The following CHD5 variants were observed in gnomAD, a reference collection of about 807,000 sequenced individuals.
The protein encoded by CHD5 is chromodomain helicase DNA binding protein 5, also known as ATP-dependent chromatin remodeler CHD5.
CHD5 carries 69 observed loss-of-function variants against 230.3 expected under a neutral mutation model. That is an observed-to-expected ratio of 0.30 (90% confidence interval 0.25 to 0.37). The LOEUF is 0.37. CHD5 is among the 10% of genes least tolerant of loss of function. The probability of loss-of-function intolerance (pLI) is 1.00; values close to 1 mark genes in which losing one functional copy is unlikely to be tolerated. For synonymous variants in CHD5, 1,064 were observed against 1,065.9 expected (o/e 1.00, Z 0.03); for missense variants, 1,827 against 2,622.8 (o/e 0.70, Z 6.63).
At chr1:6,122,417 T>C (rs1666486237) in intron 31 of CHD5, among the ~76,000 whole-genome samples, 1 of 152,054 alleles carries the variant, frequency 6.6e-6, no homozygotes, top group Non-Finnish European at 1.5e-5. Context: ...ATCAGGGAAA[T>C]GCCAATCAGA....
chr1:6,173,996 G>A (rs923721484), intron 1 of CHD5, among the ~76,000 whole-genome samples: 11 of 152,146 alleles, frequency 7.2e-5, no homozygotes, highest in Admixed American at 2.6e-4. Context: ...GGGAAGAGAC[G>A]GGGATAGATG....
intron 41 of CHD5, 115 bp downstream of exon 41, chr1:6,106,114 CAGTAA>C: frequency 2.2e-6 from 2 of 927,630 alleles, no homozygotes. Context: ...CCGCCGGAGG[CAGTAA>C]AAGCTCCAGG....
At position 6,146,828 on chromosome 1, in the gene CHD5, C is replaced by G. The variant is rs1272391617; in HGVS notation, c.1427G>C (p.Arg476Thr). Residue 476 changes from arginine to threonine, a missense_variant, in exon 10 of 42, where the codon AGG (arginine) becomes ACG (threonine). Transcript: ENST00000262450. This position sits in a 1 kb window ranked among gnomAD's most constrained non-coding sequence, Gnocchi z 5.1. ...KGKVQRILHW[R>T]WTEPPAPFMV... The stretch of plus-strand genomic sequence containing the variant: ...GAAGGGGGCAGGGGGCTCCGTCCAC[C>G]TCCAGTGTAGAATCCGCTGGACTTT... 1.9e-6 allele frequency: 3 copies of G among 1,563,762 alleles called. No homozygotes were observed. Among genetic ancestry groups the G allele is most frequent in the Non-Finnish European group, 2.6e-6 (3 of 1,154,028 alleles).
chr1:6,113,149 G>A (rs1666319982), intron 33 of CHD5, 151 bp from the exon 34 acceptor site: 8 of 650,848 alleles, frequency 1.2e-5, no homozygotes, highest in Admixed American at 8.1e-5. Flanking sequence ...CCTCGGCCAG[G>A]TGCAGTGGCC....
chr1:6,168,281 G>C lies in CHD5; in HGVS notation c.80-4C>G. 1.9e-6 allele frequency: 3 copies of C among 1,588,412 alleles called. No homozygotes were observed. The East Asian group carries it at 6.8e-5, about 36-fold the overall frequency. On this transcript the variant is annotated splice_region_variant and splice_polypyrimidine_tract_variant and intron_variant, in intron 1 of 41. Coordinates refer to ENST00000262450, the MANE Select transcript of CHD5 (RefSeq NM_015557.3). ...TCAAGACCACCATCTTCTTCTTCTG[G>C]AAAAATCAGAAGGTGGCAGCAGTTA...
Position 6,146,197 on chromosome 1 carries a change from C to A in CHD5, c.1802+15G>T. On this transcript the variant is annotated intron_variant, in intron 11 of 41. Coordinates refer to ENST00000262450, the MANE Select transcript of CHD5 (RefSeq NM_015557.3). This position sits in a 1 kb window ranked among gnomAD's most constrained non-coding sequence, Gnocchi z 5.1. ...GCCCCAGCGATGGGCAGGGTGGCCG[C>A]CTGCAGGCACACACCTATGGTTCAG... The A allele has an allele frequency of 6.2e-7, 1 of 1,612,962 alleles. No individual in the cohort carries two copies. Among genetic ancestry groups the A allele is most frequent in the African/African-American group, 1.3e-5 (1 of 75,020 alleles).
Position 6,143,934 on chromosome 1 carries a change from G to A in CHD5, c.1935-3C>T, listed in dbSNP as rs200575346. ...TGTCTTCTCCCAGCATCAGCTCCCT[G>A]GGAAACGGCATTGGAGGCAGGTGAG... is the stretch of plus-strand genomic sequence containing the variant. On this transcript the variant is annotated splice_region_variant and splice_polypyrimidine_tract_variant and intron_variant, in intron 12 of 41. Coordinates refer to ENST00000262450, the MANE Select transcript of CHD5 (RefSeq NM_015557.3). The A allele has an allele frequency of 1.5e-4, 235 of 1,614,084 alleles. 2 individuals carry two copies. The African/African-American group carries it at 2.7e-3, about 19-fold the overall frequency.
Position 6,144,080 on chromosome 1 carries a change from G to A in CHD5, c.1878C>T (p.Ile626=), listed in dbSNP as rs777063752. 11 of 1,614,082 alleles carry A rather than the reference G, an allele frequency of 6.8e-6. No individual in the cohort carries two copies. Among genetic ancestry groups the A allele is most frequent in the South Asian group, 5.5e-5 (5 of 91,088 alleles). Residue 626 remains isoleucine (I), a synonymous_variant, in exon 12 of 42, where the codon ATC becomes ATT. Coordinates refer to ENST00000262450, the MANE Select transcript of CHD5 (RefSeq NM_015557.3). ...DLPYDQCTWE[I]DDIDIPYYDN... ...CGTAGTAGGGGATGTCGATGTCATC[G>A]ATCTCCCAGGTGCACTGGTCGTAGG...
chr1:6,159,597 T>C, intron 2 of CHD5, 82 bp from the exon 3 acceptor site: 1 of 1,186,946 alleles, frequency 8.4e-7, no homozygotes, highest in Non-Finnish European at 1.2e-6. Flanking sequence ...CCCTGAGAGC[T>C]ACCTCCTGGC....
In CHD5 at chr1:6,134,071, G is replaced by T. The variant is rs1666699856; in HGVS notation, c.3144+57C>A. 6.4e-7 allele frequency: 1 copy of T among 1,564,796 alleles called. No homozygotes were observed. The highest frequency in any genetic ancestry group is 1.7e-5 in the Admixed American group (1 of 59,420). ...CAAGTTTGCGCCCCCAAGCATCAGG[G>T]CAGGATGCTCTCTGTGGGGTGTGGA... On this transcript the variant is annotated intron_variant, in intron 20 of 41. Coordinates refer to ENST00000262450, the MANE Select transcript of CHD5 (RefSeq NM_015557.3). The surrounding 1 kb of genome is among the most constrained non-coding windows in gnomAD (Gnocchi z 6.3).
chr1:6,105,360 G>A lies in CHD5; in HGVS notation c.*114C>T, dbSNP rs1009796088. ...GTTTCCCTTTTTGTCCCAAGGTGGC[G>A]CTGGCTCCTAAAAAGGTGGCAGCTT... On this transcript the variant is annotated 3_prime_UTR_variant, in exon 42 of 42. Coordinates refer to ENST00000262450, the MANE Select transcript of CHD5 (RefSeq NM_015557.3). The surrounding 1 kb of genome is among the most constrained non-coding windows in gnomAD (Gnocchi z 4.8). The A allele has an allele frequency of 1.3e-5, 6 of 470,070 alleles. No homozygotes were observed. The highest frequency in any genetic ancestry group is 4.0e-5 in the African/African-American group (2 of 50,026). 29.1% of individuals were successfully genotyped at this position (470,070 alleles called of 1,614,324 possible).
intron 1 of CHD5, 57 bp from the exon 2 acceptor site, chr1:6,168,334 G>A: frequency 1.3e-6 from 2 of 1,534,800 alleles, no homozygotes. Flanking sequence ...GGAGAGCCCT[G>A]GAGACACAGA....
Position 6,146,349 on chromosome 1 carries a change from G to A in CHD5, c.1665C>T (p.Asp555=). The change falls in exon 11 of 42, where the codon GAC becomes GAT. Residue 555 remains aspartate (D), a synonymous_variant. Transcript: ENST00000262450. The surrounding 1 kb of genome is among the most constrained non-coding windows in gnomAD (Gnocchi z 5.1). The part of the protein sequence containing the change: ...KNDMDEPPPF[D]YGSGDEDGKS... ...TGCCGTCTTCATCCCCAGAGCCGTA[G>A]TCAAAGGGGGGCGGCTCATCCATGT... 2 of 1,614,168 alleles carry A rather than the reference G, an allele frequency of 1.2e-6. No homozygotes were observed. The highest frequency in any genetic ancestry group is 1.7e-6 in the Non-Finnish European group (2 of 1,180,034).
chr1:6,159,119 C>T (rs1667127005), intron 3 of CHD5, among the ~76,000 whole-genome samples: 1 of 151,978 alleles, frequency 6.6e-6, no homozygotes, highest in Non-Finnish European at 1.5e-5. Context: ...CCTGTAGTCC[C>T]AGCTACTCGG....
intron 1 of CHD5, among the ~76,000 whole-genome samples, chr1:6,175,413 A>G (rs1418469084): frequency 7.4e-6 from 1 of 135,764 alleles, no homozygotes; most frequent in Non-Finnish European, 1.6e-5. Flanking sequence ...TGGATAGATG[A>G]ATGGATGGAT....
chr1:6,106,969 T>G (rs1212527538), intron 38 of CHD5, among the ~76,000 whole-genome samples, 190 bp from the exon 39 acceptor site: 89 of 12,578 alleles, frequency 7.1e-3, no homozygotes, highest in Non-Finnish European at 8.1e-3. Context: ...GGTGGAGGGG[T>G]GGAAGGATGG....
rs1667493576 is a variant in CHD5, at chr1:6,180,176, T to TC, written c.-154dup. ...GCCTGCCCCCCCACCCCCCCAAACCTCCACCCCCCCGTCTCGACCCCCCTT... is the reference window on the plus strand; with the variant it reads ...GCCTGCCCCCCCACCCCCCCAAACCTCCCACCCCCCCGTCTCGACCCCCCTT... On this transcript the variant is annotated 5_prime_UTR_variant, in exon 1 of 42. Transcript: ENST00000262450. The TC allele has an allele frequency of 3.0e-5, 1 of 33,514 alleles. No individual in the cohort carries two copies. Among genetic ancestry groups the TC allele is most frequent in the African/African-American group, 2.4e-4 (1 of 4,148 alleles). 2.1% of individuals were successfully genotyped at this position (33,514 alleles called of 1,614,324 possible). A position where few individuals can be genotyped will look rare whatever the true frequency, so the allele number is the denominator to read the frequency against.
rs1186294305 is a variant in CHD5, at chr1:6,136,884, T to G, written c.2437-19A>C. ...CTTCTTTCTGGAGAAAAGAGGGGCATTGGGGATGAGACGGCTGGGAGCAGA... is the reference window on the plus strand; with the variant it reads ...CTTCTTTCTGGAGAAAAGAGGGGCAGTGGGGATGAGACGGCTGGGAGCAGA... On this transcript the variant is annotated intron_variant, in intron 15 of 41. Transcript: ENST00000262450. 6.3e-7 allele frequency: 1 copy of G among 1,594,978 alleles called. No homozygotes were observed.
intron 3 of CHD5, among the ~76,000 whole-genome samples, chr1:6,156,034 G>A (rs1204573257): frequency 1.3e-5 from 2 of 152,230 alleles, no homozygotes; most frequent in African/African-American, 4.8e-5. Context: ...TGTGGGCAAG[G>A]AGACTGGATG....
Sources: gnomAD v4.1 joint callset for allele counts (sites outside exome capture counted in the v4.1 genomes callset) on GRCh38, gnomAD v4.1.1 for gene constraint, Gnocchi (gnomAD v3.1) non-coding constraint, MANE v1.5 for transcripts, NCBI Gene and HGNC (gene_info 2026-07-23, HGNC 2026-07-21) for gene names.